Variants in MAMDC2 observed in about 807,000 individuals in gnomAD.
MAMDC2 encodes the protein MAM domain containing 2, also known as MAM domain-containing protein 2.
A neutral mutation model predicts 89.8 loss-of-function variants in MAMDC2; 57 were observed. That is an observed-to-expected ratio of 0.63 (90% CI 0.51 to 0.79). MAMDC2 has a LOEUF of 0.79. Among genes scored for constraint, MAMDC2 ranks in the 30% least tolerant of loss-of-function variants. MAMDC2 has a pLI of 0.00. For missense variants in MAMDC2, 800 were observed against 820.6 expected (o/e 0.97, Z 0.31); for synonymous variants, 313 against 293.4 (o/e 1.07, Z -0.68).
At chr9:70,196,849 TAAAAAC>T (rs1197492526) in intron 11 of MAMDC2, among the ~76,000 whole-genome samples, 1 of 152,016 alleles carries the variant, frequency 6.6e-6, no homozygotes. Flanking sequence ...CCAGTACTCT[TAAAAAC>T]AAAAATTAAC....
At chr9:70,200,413 C>A (rs1285870799) in intron 11 of MAMDC2, among the ~76,000 whole-genome samples, 2 of 148,660 alleles carry the variant, frequency 1.3e-5, no homozygotes, top group Non-Finnish European at 3.0e-5. Context: ...TGATCTATAT[C>A]TCTGTTTTGG....
chr9:70,194,930 T>G (rs2032948580), intron 11 of MAMDC2, among the ~76,000 whole-genome samples: 1 of 152,080 alleles, frequency 6.6e-6, no homozygotes, highest in South Asian at 2.1e-4. Flanking sequence ...TACCACCAGG[T>G]AATTCAAGTG....
intron 5 of MAMDC2, among the ~76,000 whole-genome samples, chr9:70,114,363 C>A (rs898068034): frequency 1.3e-5 from 2 of 150,442 alleles, no homozygotes; most frequent in African/African-American, 4.9e-5. Flanking sequence ...GTTGCCAGAT[C>A]TTTTGATGTT....
At chr9:70,064,120 GTA>G (rs906072238) in intron 2 of MAMDC2, among the ~76,000 whole-genome samples, 6 of 151,482 alleles carry the variant, frequency 4.0e-5, no homozygotes, top group East Asian at 1.9e-4. Flanking sequence ...TAAAAATGAT[GTA>G]TATATATATA....
intron 2 of MAMDC2, among the ~76,000 whole-genome samples, chr9:70,076,585 C>T (rs760867731): frequency 1.3e-5 from 2 of 152,164 alleles, no homozygotes; most frequent in Non-Finnish European, 2.9e-5. Flanking sequence ...CTGACTTCTT[C>T]ATCCTTTTCA....
chr9:70,124,128 G>A (rs2030416699), intron 5 of MAMDC2, among the ~76,000 whole-genome samples: 1 of 152,192 alleles, frequency 6.6e-6, no homozygotes, highest in Non-Finnish European at 1.5e-5. Context: ...TGCTCTCTCA[G>A]GGAGGCTGGA....
At chr9:70,130,504 T>G (rs1261641417) in intron 6 of MAMDC2, among the ~76,000 whole-genome samples, 1 of 152,148 alleles carries the variant, frequency 6.6e-6, no homozygotes, top group African/African-American at 2.4e-5. Flanking sequence ...GTGAAGGCTG[T>G]GCTGACATCT....
At chr9:70,052,294 G>C (rs1162698030) in intron 2 of MAMDC2, among the ~76,000 whole-genome samples, 1 of 152,228 alleles carries the variant, frequency 6.6e-6, no homozygotes, top group African/African-American at 2.4e-5. Flanking sequence ...GCCCTTCACA[G>C]TTTGCTCCAA....
chr9:70,116,995 T>C (rs1276562760), intron 5 of MAMDC2, among the ~76,000 whole-genome samples: 1 of 152,096 alleles, frequency 6.6e-6, no homozygotes, highest in Admixed American at 6.6e-5. Flanking sequence ...TTAGTCCCCA[T>C]ATGTCAATAC....
chr9:70,105,614 C>A (rs543102068), intron 2 of MAMDC2, among the ~76,000 whole-genome samples: 1 of 152,174 alleles, frequency 6.6e-6, no homozygotes. Flanking sequence ...AAATAACCCA[C>A]ATTTATGGCT....
chr9:70,204,126 G>A (rs896331886), intron 11 of MAMDC2, among the ~76,000 whole-genome samples: 110 of 152,130 alleles, frequency 7.2e-4, no homozygotes, highest in African/African-American at 2.6e-3. Context: ...GAGGAGGAGA[G>A]ACGCTCTGCG....
intron 2 of MAMDC2, among the ~76,000 whole-genome samples, chr9:70,105,110 G>A (rs1269605047): frequency 6.6e-6 from 1 of 152,060 alleles, no homozygotes; most frequent in Non-Finnish European, 1.5e-5. Context: ...TTAGTGACAA[G>A]GCAGGGAAAG....
At chr9:70,067,219 C>T (rs1417450396) in intron 2 of MAMDC2, among the ~76,000 whole-genome samples, 1 of 152,132 alleles carries the variant, frequency 6.6e-6, no homozygotes, top group Non-Finnish European at 1.5e-5. Flanking sequence ...CTTGGATGTG[C>T]CAGCTATTTT....
Position 70,126,164 on chromosome 9 carries a change from T to C in MAMDC2, c.649T>C (p.Tyr217His). ...TCTGTCTGTGTGATTTTCAGGCCAC[T>C]ACATGTACGTGGACTCAGTTTATGT... The part of the protein sequence containing the change: ...DHTFKSELGH[Y>H]MYVDSVYVKH... Residue 217 changes from tyrosine to histidine, a missense_variant, in exon 6 of 14, where the codon TAC (tyrosine) becomes CAC (histidine). Physicochemically the swap from Tyr to His is moderately conservative, Grantham distance 83 (BLOSUM62 2). Coordinates refer to ENST00000377182, the MANE Select transcript of MAMDC2 (RefSeq NM_153267.5). 1 of 1,582,866 alleles carries C rather than the reference T, an allele frequency of 6.3e-7. No homozygotes were observed. The highest frequency in any genetic ancestry group is 8.6e-7 in the Non-Finnish European group (1 of 1,158,070).
chr9:70,102,979 T>C (rs1029798364), intron 2 of MAMDC2, among the ~76,000 whole-genome samples: 7 of 152,224 alleles, frequency 4.6e-5, no homozygotes, highest in Non-Finnish European at 8.8e-5. Context: ...CTAACATCTC[T>C]GAAGCACTGC....
chr9:70,123,200 A>G (rs2030367136), intron 5 of MAMDC2, among the ~76,000 whole-genome samples: 1 of 152,248 alleles, frequency 6.6e-6, no homozygotes, highest in Non-Finnish European at 1.5e-5. Flanking sequence ...TTGGTAAGTC[A>G]TGTTACAAAG....
chr9:70,052,245 C>A (rs1826926229), intron 2 of MAMDC2, among the ~76,000 whole-genome samples: 1 of 152,204 alleles, frequency 6.6e-6, no homozygotes, highest in Admixed American at 6.5e-5. Flanking sequence ...AGCAATTACC[C>A]ACAGGCTAAT....
chr9:70,045,800 A>G (rs1826736252), intron 2 of MAMDC2, among the ~76,000 whole-genome samples: 1 of 152,230 alleles, frequency 6.6e-6, no homozygotes, highest in African/African-American at 2.4e-5. Context: ...TGGCTAGTCC[A>G]TATCACAGTG....
At chr9:70,171,034 G>A (rs573200960) in intron 11 of MAMDC2, 10 of 175,808 alleles carry the variant, frequency 5.7e-5, no homozygotes, top group Middle Eastern at 2.4e-3. Context: ...TAGCCAAAAC[G>A]CACCTGTAAA....
Sources: gnomAD v4.1 joint callset for allele counts (sites outside exome capture counted in the v4.1 genomes callset) on GRCh38, gnomAD v4.1.1 for gene constraint, MANE v1.5 for transcripts, NCBI Gene and HGNC (gene_info 2026-07-23, HGNC 2026-07-21) for gene names.